SYTL3: variants seen among roughly 807,000 people sequenced by gnomAD.
SYTL3 encodes synaptotagmin like 3.
SYTL3 carries 88 observed loss-of-function variants against 82.1 expected under a neutral mutation model. The observed-to-expected ratio is 1.07, with a 90% CI of 0.90 to 1.28. The LOEUF (loss-of-function observed/expected upper bound fraction) is 1.28. Ranked by LOEUF, SYTL3 falls within the 50% of genes most tolerant of loss-of-function variation. The pLI, the probability that SYTL3 is intolerant of heterozygous loss-of-function variation, is 0.00. For missense variants in SYTL3, 831 were observed against 757.6 expected, an observed-to-expected ratio of 1.10 and a Z score of -1.14; for synonymous variants, 311 against 289.4, an observed-to-expected ratio of 1.07 and a Z score of -0.76.
At chr6:158,755,135 G>A (rs1765944356) in intron 13 of SYTL3, among the ~76,000 whole-genome samples, 1 of 152,112 alleles carries the variant, frequency 6.6e-6, no homozygotes, top group East Asian at 1.9e-4. Context: ...TTGAGCCCAG[G>A]AGTTCGAGAC....
upstream of SYTL3, among the ~76,000 whole-genome samples, chr6:158,646,346 CTT>C (rs1347127437): frequency 6.6e-6 from 1 of 152,084 alleles, no homozygotes; most frequent in African/African-American, 2.4e-5. Context: ...TTTAATATGT[CTT>C]TTGTAGAGAT....
rs111822025 is a variant in SYTL3 at position 158,716,278 on chromosome 6, C to T, written c.596-1809C>T. On this transcript the variant is annotated intron_variant, in intron 9 of 17. Coordinates refer to ENST00000611299, the MANE Select transcript of SYTL3 (RefSeq NM_001242394.2). ...CCCCTAATAATACTGACCTATAAGC[C>T]TATTTCTTAGAGCCCAAATTTCTCA... 5.2e-3 allele frequency among the ~76,000 whole-genome samples: 795 copies of T among 152,302 alleles called. 4 individuals carry two copies. Among genetic ancestry groups the T allele is most frequent in the African/African-American group, 0.018 (741 of 41,554 alleles).
chr6:158,759,581 G>A (rs1038643083), intron 14 of SYTL3, among the ~76,000 whole-genome samples: 1 of 152,192 alleles, frequency 6.6e-6, no homozygotes, highest in African/African-American at 2.4e-5. Context: ...CGTCCAGGCT[G>A]GAGTGAAGTG....
At chr6:158,671,100 G>A (rs71565712) in intron 5 of SYTL3, among the ~76,000 whole-genome samples, 24,352 of 151,924 alleles carry the variant, frequency 0.16, 2,234 homozygotes, top group South Asian at 0.27. Flanking sequence ...CACGGCGCCC[G>A]GCCTATGGAG....
At chr6:158,753,765 G>A (rs988900087) in intron 13 of SYTL3, among the ~76,000 whole-genome samples, 2 of 150,550 alleles carry the variant, frequency 1.3e-5, no homozygotes, top group Admixed American at 6.7e-5. Flanking sequence ...TATAATTGGA[G>A]TTAAAAGGTT....
At chr6:158,679,215 C>A (rs1014526252) in intron 5 of SYTL3, among the ~76,000 whole-genome samples, 2 of 152,026 alleles carry the variant, frequency 1.3e-5, no homozygotes, top group Non-Finnish European at 2.9e-5. Flanking sequence ...ACAAAAAATA[C>A]AAAACTTAGC....
chr6:158,664,265 C>G (rs1195704558), intron 4 of SYTL3, among the ~76,000 whole-genome samples: 4 of 152,228 alleles, frequency 2.6e-5, no homozygotes, highest in African/African-American at 9.6e-5. Flanking sequence ...ATAATACAGT[C>G]TGGGCGTGGT....
intron 2 of SYTL3, among the ~76,000 whole-genome samples, chr6:158,653,963 C>G (rs1788366901): frequency 6.6e-6 from 1 of 152,248 alleles, no homozygotes; most frequent in Non-Finnish European, 1.5e-5. Flanking sequence ...CCTTTCCCAT[C>G]CTCCTCATCT....
chr6:158,647,493 A>C (rs968315637), upstream of SYTL3, among the ~76,000 whole-genome samples: 1 of 152,194 alleles, frequency 6.6e-6, no homozygotes, highest in African/African-American at 2.4e-5. Flanking sequence ...TTTTCTTTTA[A>C]ACGGATATAT....
chr6:158,696,719 T>C (rs1042745290), intron 6 of SYTL3, among the ~76,000 whole-genome samples: 3 of 151,916 alleles, frequency 2.0e-5, no homozygotes, highest in African/African-American at 7.3e-5. Context: ...GTTTTGTTTC[T>C]TAAAAACAAA....
intron 5 of SYTL3, among the ~76,000 whole-genome samples, chr6:158,682,632 T>G (rs565540830): frequency 6.6e-6 from 1 of 152,320 alleles, no homozygotes; most frequent in African/African-American, 2.4e-5. Context: ...GTGCTGGGAT[T>G]ACAGGCATGA....
At position 158,752,054 on chromosome 6, in the gene SYTL3, G is replaced by C. The variant is rs201899407; in HGVS notation, c.1137+24G>C. On this transcript the variant is annotated intron_variant, in intron 13 of 17. Transcript: ENST00000611299. Reference sequence around the variant, plus strand: ...AGGTACTTGCTGGACAGATATTCCTGTGCAGAGTCCTCCCGAGCCCGGGTG... The same window carrying C: ...AGGTACTTGCTGGACAGATATTCCTCTGCAGAGTCCTCCCGAGCCCGGGTG... 4 of 1,543,666 alleles carry C rather than the reference G, an allele frequency of 2.6e-6. No individual in the cohort carries two copies. In the African/African-American group the frequency reaches 5.6e-5, roughly 22 times the overall value.
In SYTL3 at chr6:158,696,413, C is replaced by G. The variant is rs542127365; in HGVS notation, c.395-10817C>G. 8.6e-4 allele frequency among the ~76,000 whole-genome samples: 130 copies of G among 151,472 alleles called. 1 individual carries two copies. Among genetic ancestry groups the G allele is most frequent in the African/African-American group, 2.9e-3 (121 of 41,274 alleles). ...AGAGATGGGGTTTCACTGTGTTGGC[C>G]AGTATGGTCTTCATCTCCTGACCTC... On this transcript the variant is annotated intron_variant, in intron 6 of 17. Transcript: ENST00000611299.
intron 11 of SYTL3, among the ~76,000 whole-genome samples, chr6:158,734,583 T>A (rs1424371657): frequency 3.3e-5 from 5 of 152,024 alleles, no homozygotes; most frequent in Admixed American, 2.6e-4. Flanking sequence ...ACATCACAAG[T>A]CATGCAGTCC....
At chr6:158,719,446 A>C (rs1284930604) in intron 10 of SYTL3, among the ~76,000 whole-genome samples, 2 of 152,156 alleles carry the variant, frequency 1.3e-5, no homozygotes, top group Non-Finnish European at 2.9e-5. Context: ...GGTGGACGTG[A>C]GATGAGGAAC....
chr6:158,648,084 G>A (rs1787601454), upstream of SYTL3, among the ~76,000 whole-genome samples: 1 of 152,072 alleles, frequency 6.6e-6, no homozygotes. Flanking sequence ...ACCAGAGGTC[G>A]GGAGTTCGAG....
At chr6:158,669,345 C>T (rs1408565593) in intron 5 of SYTL3, among the ~76,000 whole-genome samples, 2 of 152,186 alleles carry the variant, frequency 1.3e-5, no homozygotes, top group African/African-American at 4.8e-5. Context: ...CTGTGATCTT[C>T]TTGTCATGCT....
upstream of SYTL3, among the ~76,000 whole-genome samples, chr6:158,646,942 C>G (rs541285565): frequency 1.6e-4 from 24 of 152,232 alleles, no homozygotes; most frequent in African/African-American, 5.8e-4. Context: ...CCTCTGAAAT[C>G]TTTTTTCTTC....
In SYTL3 at chr6:158,757,297, TGGA is replaced by T; in HGVS notation, c.1226_1228del (p.Gly409del). 1 of 1,613,848 alleles carries T rather than the reference TGGA, an allele frequency of 6.2e-7. No individual in the cohort carries two copies. Among genetic ancestry groups the T allele is most frequent in the South Asian group, 1.1e-5 (1 of 91,070 alleles). On this transcript the variant is annotated inframe_deletion, in exon 14 of 18. Coordinates refer to ENST00000611299, the MANE Select transcript of SYTL3 (RefSeq NM_001242394.2). ...GCACGCTGGCCCGGAGAGTGTTTCT[TGGA>T]GAAGTGATCATTCCTCTGGCCACGT...
Sources: gnomAD v4.1 joint callset for allele counts (sites outside exome capture counted in the v4.1 genomes callset) on GRCh38, gnomAD v4.1.1 for gene constraint, MANE v1.5 for transcripts, NCBI Gene and HGNC (gene_info 2026-07-23, HGNC 2026-07-21) for gene names.